Variants in TYRO3 observed in about 807,000 individuals in gnomAD.
The protein encoded by TYRO3 is TYRO3 protein tyrosine kinase.
Under a neutral mutation model 95.2 loss-of-function variants are expected in TYRO3, and 38 were observed. The ratio of observed to expected loss-of-function variants is 0.40; its 90% CI spans 0.31 to 0.52. The LOEUF is 0.52. Ranked by LOEUF, TYRO3 falls within the 20% of genes least tolerant of loss-of-function variation. The pLI is 0.56. For missense variants in TYRO3, 812 were observed against 1,116.4 expected (o/e 0.73, Z 3.89); for synonymous variants, 367 against 432.9 (o/e 0.85, Z 1.89).
rs1224836317 is a variant in TYRO3, at chr15:41,578,177, G to A, written c.2574G>A (p.Glu858=). 1.9e-6 allele frequency: 3 copies of A among 1,613,742 alleles called. No homozygotes were observed. Among genetic ancestry groups the A allele is most frequent in the East Asian group, 4.5e-5 (2 of 44,894 alleles). The stretch of plus-strand genomic sequence containing the variant: ...TACTCACCCCCGGAGGGCTGGCTGA[G>A]CAGCCAGGGCAGGCAGAGCACCAGC... ...RYILTPGGLA[E]QPGQAEHQPE... Residue 858 remains glutamate (E), a synonymous_variant, in exon 19 of 19, where the codon GAG becomes GAA. Coordinates refer to ENST00000263798, the MANE Select transcript of TYRO3 (RefSeq NM_006293.4).
At position 41,561,360 on chromosome 15, in the gene TYRO3, T is replaced by C. The variant is rs777048983; in HGVS notation, c.308+50T>C. On this transcript the variant is annotated intron_variant, in intron 2 of 18. Coordinates refer to ENST00000263798, the MANE Select transcript of TYRO3 (RefSeq NM_006293.4). ...GGGCTGCCAGCCAGGGGGCAGGCTA[T>C]GCTCTTTCCTTGGGGATTGGGAGCT... is the stretch of plus-strand genomic sequence containing the variant. 4.9e-6 allele frequency: 7 copies of C among 1,443,096 alleles called. No homozygotes were observed. In the Admixed American group the frequency reaches 1.2e-4, roughly 25 times the overall value. The allele number at this position is 1,443,096 out of a possible 1,614,324, so 89.4% of individuals were successfully genotyped here.
chr15:41,567,509 C>G lies in TYRO3; in HGVS notation c.933C>G (p.Asp311Glu). ...ANALGPSPYADWVPFQTKGLA... is the reference protein window; with the variant it reads ...ANALGPSPYAEWVPFQTKGLA... ...CCTTGGGGCCCTCTCCCTATGCTGACTGGGTGCCCTTTCAGACCAAGGGTC... is the reference window on the plus strand; with the variant it reads ...CCTTGGGGCCCTCTCCCTATGCTGAGTGGGTGCCCTTTCAGACCAAGGGTC... Residue 311 changes from aspartate to glutamate, a missense_variant, in exon 7 of 19, where the codon GAC becomes GAG. By Grantham distance (45) the Asp-to-Glu change is conservative. Transcript: ENST00000263798. The G allele has an allele frequency of 6.3e-7, 1 of 1,586,562 alleles. No individual in the cohort carries two copies. Among genetic ancestry groups the G allele is most frequent in the Non-Finnish European group, 8.5e-7 (1 of 1,169,734 alleles).
chr15:41,570,910 T>C, intron 12 of TYRO3, 128 bp from the exon 13 acceptor site: 1 of 1,083,896 alleles, frequency 9.2e-7, no homozygotes, highest in East Asian at 2.4e-5. Flanking sequence ...CTTTGGCTAC[T>C]GGCAAGGGTG....
At chr15:41,560,259 G>C (rs1595497856) in intron 1 of TYRO3, among the ~76,000 whole-genome samples, 1 of 152,194 alleles carries the variant, frequency 6.6e-6, no homozygotes, top group Non-Finnish European at 1.5e-5. Context: ...CTGATGCTCA[G>C]GGAGCCCACG....
At position 41,561,644 on chromosome 15, in the gene TYRO3, G is replaced by A; in HGVS notation, c.409+5G>A. ...CAGTGTGGCTCACGGTAGAAGGTGAGGAGGCAGAGCCATATGGGCGTGTTG... is the reference window on the plus strand; with the variant it reads ...CAGTGTGGCTCACGGTAGAAGGTGAAGAGGCAGAGCCATATGGGCGTGTTG... On this transcript the variant is annotated splice_donor_5th_base_variant and intron_variant, in intron 3 of 18. Transcript: ENST00000263798. The A allele has an allele frequency of 6.4e-7, 1 of 1,560,856 alleles. No individual in the cohort carries two copies. Among genetic ancestry groups the A allele is most frequent in the Non-Finnish European group, 8.7e-7 (1 of 1,151,334 alleles).
chr15:41,559,423 G>A (rs1156700616), intron 1 of TYRO3, 42 bp downstream of exon 1: 3 of 244,974 alleles, frequency 1.2e-5, no homozygotes. Flanking sequence ...GGGGGGCTGC[G>A]GAGGGGCGCG....
chr15:41,578,332 GCTGA>G lies in TYRO3; in HGVS notation c.*59_*62del. 2 of 1,604,032 alleles carry G rather than the reference GCTGA, an allele frequency of 1.2e-6. No homozygotes were observed. Among genetic ancestry groups the G allele is most frequent in the Non-Finnish European group, 1.7e-6 (2 of 1,175,166 alleles). On this transcript the variant is annotated 3_prime_UTR_variant, in exon 19 of 19. Coordinates refer to ENST00000263798, the MANE Select transcript of TYRO3 (RefSeq NM_006293.4). Reference sequence around the variant, plus strand: ...GCCGGCTCTGGTGGCCACTGAGCTGGCTGACTAAGCCCCGTCTGACCCCAGCCCA... The same window carrying G: ...GCCGGCTCTGGTGGCCACTGAGCTGGCTAAGCCCCGTCTGACCCCAGCCCA...
chr15:41,583,005 T>TTTTTTTGTTTTTG lies in TYRO3; in HGVS notation c.*4735_*4736insGTTTTTGTTTTTT, dbSNP rs1221152428. 7.4e-6 allele frequency: 1 copy of TTTTTTTGTTTTTG among 134,908 alleles called. No homozygotes were observed. Among genetic ancestry groups the TTTTTTTGTTTTTG allele is most frequent in the Non-Finnish European group, 1.6e-5 (1 of 62,544 alleles). 8.4% of individuals were successfully genotyped at this position (134,908 alleles called of 1,614,324 possible). On this transcript the variant is annotated 3_prime_UTR_variant, in exon 19 of 19. Transcript: ENST00000263798. Reference sequence around the variant, plus strand: ...CTGGCAAATTTTTAAGTGTTTTTTTTTTTTTTTAATACAGAGCCTTGCTCT... The same window carrying TTTTTTTGTTTTTG: ...CTGGCAAATTTTTAAGTGTTTTTTTTTTTTTTGTTTTTGTTTTTTTAATACAGAGCCTTGCTCT...
intron 18 of TYRO3, among the ~76,000 whole-genome samples, chr15:41,576,342 C>T (rs1301538312): frequency 1.3e-5 from 2 of 151,168 alleles, no homozygotes; most frequent in Admixed American, 6.6e-5. Flanking sequence ...TACAGGCATG[C>T]ACCACCCTGC....
At position 41,570,265 on chromosome 15, in the gene TYRO3, C is replaced by G. The variant is rs751342278; in HGVS notation, c.1408C>G (p.Arg470Gly). The G allele has an allele frequency of 1.2e-6, 2 of 1,614,128 alleles. No homozygotes were observed. Among genetic ancestry groups the G allele is most frequent in the Non-Finnish European group, 8.5e-7 (1 of 1,180,018 alleles). ...FGQAFDSVMA[R>G]GEPAVHFRAA... ...GCAAGCCTTTGACAGTGTCATGGCC[C>G]GGGGAGAGCCAGCCGTTCACTTCCG... Residue 470 changes from arginine (R) to glycine (G), a missense_variant, in exon 11 of 19, where the codon CGG becomes GGG. Coordinates refer to ENST00000263798, the MANE Select transcript of TYRO3 (RefSeq NM_006293.4).
At chr15:41,568,669 G>A (rs765238041) in intron 8 of TYRO3, among the ~76,000 whole-genome samples, 10 of 152,074 alleles carry the variant, frequency 6.6e-5, no homozygotes, top group East Asian at 3.9e-4. Context: ...TGTGCATTCC[G>A]GGACTGAGCC....
intron 12 of TYRO3, 123 bp downstream of exon 12, chr15:41,570,822 C>A: frequency 1.0e-6 from 1 of 990,964 alleles, no homozygotes; most frequent in Non-Finnish European, 1.6e-6. Context: ...TGCTTGTAGA[C>A]TCCTGAGTGT....
chr15:41,573,494 GT>G, intron 17 of TYRO3, 27 bp downstream of exon 17: 1 of 1,613,846 alleles, frequency 6.2e-7, no homozygotes, highest in South Asian at 1.1e-5. Flanking sequence ...GTGAAGCTTG[GT>G]GGGGACGAGT....
At position 41,582,605 on chromosome 15, in the gene TYRO3, C is replaced by G. The variant is rs144371679; in HGVS notation, c.*4329C>G. On this transcript the variant is annotated 3_prime_UTR_variant, in exon 19 of 19. Coordinates refer to ENST00000263798, the MANE Select transcript of TYRO3 (RefSeq NM_006293.4). ...GCTGAGGTAGGAGAATTGCTTGAACCTGGGAGGTGGAAGTTGCTGTGAGAC... is the reference window on the plus strand; with the variant it reads ...GCTGAGGTAGGAGAATTGCTTGAACGTGGGAGGTGGAAGTTGCTGTGAGAC... 2 of 151,986 alleles carry G rather than the reference C, an allele frequency of 1.3e-5. No homozygotes were observed. The highest frequency in any genetic ancestry group is 2.9e-5 in the Non-Finnish European group (2 of 68,012). 9.4% of individuals were successfully genotyped at this position (151,986 alleles called of 1,614,324 possible). A position where few individuals can be genotyped will look rare whatever the true frequency, so the allele number is the denominator to read the frequency against.
intron 11 of TYRO3, 120 bp from the exon 12 acceptor site, chr15:41,570,484 C>A: frequency 1.4e-6 from 2 of 1,382,472 alleles, no homozygotes; most frequent in South Asian, 1.2e-5. Context: ...AGTTCACCAC[C>A]CCAGCCGTGG....
chr15:41,578,470 G>T lies in TYRO3; in HGVS notation c.*194G>T. On this transcript the variant is annotated 3_prime_UTR_variant, in exon 19 of 19. Transcript: ENST00000263798. ...TCTTCCTGCAACCACTCTGTGGCCAGCCTGGCATCAGTTTAGGCCTTGGCT... is the reference window on the plus strand; with the variant it reads ...TCTTCCTGCAACCACTCTGTGGCCATCCTGGCATCAGTTTAGGCCTTGGCT... 1 of 751,640 alleles carries T rather than the reference G, an allele frequency of 1.3e-6. No individual in the cohort carries two copies. The highest frequency in any genetic ancestry group is 1.9e-5 in the South Asian group (1 of 52,438). The allele number at this position is 751,640 out of a possible 1,614,324, so 46.6% of individuals were successfully genotyped here.
Position 41,572,423 on chromosome 15 carries a change from C to T in TYRO3, c.1754-20C>T, listed in dbSNP as rs745774730. 1 of 1,293,484 alleles carries T rather than the reference C, an allele frequency of 7.7e-7. No homozygotes were observed. Among genetic ancestry groups the T allele is most frequent in the South Asian group, 1.3e-5 (1 of 76,940 alleles). The allele number at this position is 1,293,484 out of a possible 1,614,324, so 80.1% of individuals were successfully genotyped here. ...CCCTTGACCCTTCTATGCTCAGCTC[C>T]TGACTCTCCCTTGTCCCAGGGGTAA... On this transcript the variant is annotated intron_variant, in intron 14 of 18. Transcript: ENST00000263798.
chr15:41,575,294 G>T (rs1211377349), intron 18 of TYRO3, among the ~76,000 whole-genome samples: 1 of 152,258 alleles, frequency 6.6e-6, no homozygotes, highest in Non-Finnish European at 1.5e-5. Flanking sequence ...CTCAGGGCAT[G>T]GCAAGGGGCA....
At position 41,579,625 on chromosome 15, in the gene TYRO3, C is replaced by G. The variant is rs149829271; in HGVS notation, c.*1349C>G. ...TTGGCCTCCCAAAGTGCTGGGATTA[C>G]AGTCCTGAGCCACCACACCTGGCCC... On this transcript the variant is annotated 3_prime_UTR_variant, in exon 19 of 19. Transcript: ENST00000263798. The G allele has an allele frequency of 6.6e-6, 1 of 152,190 alleles. No individual in the cohort carries two copies. Among genetic ancestry groups the G allele is most frequent in the Non-Finnish European group, 1.5e-5 (1 of 68,066 alleles). The allele number at this position is 152,190 out of a possible 1,614,324, so 9.4% of individuals were successfully genotyped here. A position where few individuals can be genotyped will look rare whatever the true frequency, so the allele number is the denominator to read the frequency against.
Sources: gnomAD v4.1 joint callset for allele counts (sites outside exome capture counted in the v4.1 genomes callset) on GRCh38, gnomAD v4.1.1 for gene constraint, MANE v1.5 for transcripts, NCBI Gene and HGNC (gene_info 2026-07-23, HGNC 2026-07-21) for gene names.